Variants in ARHGAP28 observed in about 807,000 individuals in gnomAD.
The protein encoded by ARHGAP28 is Rho GTPase activating protein 28.
Under a neutral mutation model 90.7 loss-of-function variants are expected in ARHGAP28, and 56 were observed. That is an observed-to-expected ratio of 0.62 (90% confidence interval 0.50 to 0.77). ARHGAP28 has a LOEUF of 0.77. ARHGAP28 is among the 30% of genes least tolerant of loss of function. The probability of loss-of-function intolerance (pLI) is 0.00; values close to 1 mark genes in which losing one functional copy is unlikely to be tolerated. For synonymous variants in ARHGAP28, 308 were observed against 323.3 expected (o/e 0.95, Z 0.51); for missense variants, 869 against 900.9 (o/e 0.96, Z 0.45).
At chr18:6,891,906 G>C (rs985660594) in intron 14 of ARHGAP28, among the ~76,000 whole-genome samples, 1 of 151,904 alleles carries the variant, frequency 6.6e-6, no homozygotes, top group Non-Finnish European at 1.5e-5. Flanking sequence ...GTTGTATCTT[G>C]AAGGATGGAT....
chr18:6,816,489 G>A lies in ARHGAP28; in HGVS notation c.123-8273G>A, dbSNP rs143522214. On this transcript the variant is annotated intron_variant, in intron 1 of 17. Transcript: ENST00000383472. ...TCCTGCTACAGGCTCACTGCAATCA[G>A]TATCCACGGGAATTTCTCTAGATGT... 1.2e-3 allele frequency among the ~76,000 whole-genome samples: 184 copies of A among 152,244 alleles called. 1 individual carries two copies. The highest frequency in any genetic ancestry group is 3.9e-3 in the African/African-American group (164 of 41,548).
In ARHGAP28 at chr18:6,912,129, T is replaced by A; in HGVS notation, c.2165T>A (p.Val722Glu). The change falls in exon 18 of 18, where the codon GTG becomes GAG. Residue 722 changes from valine (V) to glutamate (E), a missense_variant. By Grantham distance (121) the Val-to-Glu change is moderately radical. Coordinates refer to ENST00000383472, the MANE Select transcript of ARHGAP28 (RefSeq NM_001366230.1). ...CGTATAAATCCTCAAGCAGAATGGGTGATTAAACCCCAACAAAGTTCTTAA... is the reference window on the plus strand; with the variant it reads ...CGTATAAATCCTCAAGCAGAATGGGAGATTAAACCCCAACAAAGTTCTTAA... Reference protein sequence around the residue: ...VYRINPQAEWVIKPQQSS With the variant: ...VYRINPQAEWEIKPQQSS 1 of 1,606,606 alleles carries A rather than the reference T, an allele frequency of 6.2e-7. No homozygotes were observed. Among genetic ancestry groups the A allele is most frequent in the African/African-American group, 1.3e-5 (1 of 74,846 alleles).
chr18:6,904,534 T>C (rs1322588943), intron 16 of ARHGAP28, among the ~76,000 whole-genome samples: 1 of 152,080 alleles, frequency 6.6e-6, no homozygotes, highest in African/African-American at 2.4e-5. Context: ...TTCCTACCTC[T>C]AAAAACTACA....
chr18:6,907,396 A>AG (rs1323196251), intron 16 of ARHGAP28, among the ~76,000 whole-genome samples: 1 of 147,040 alleles, frequency 6.8e-6, no homozygotes, highest in Non-Finnish European at 1.5e-5. Context: ...AAAAACTGGA[A>AG]AAAAAAAAAA....
intron 1 of ARHGAP28, among the ~76,000 whole-genome samples, chr18:6,754,305 G>A (rs2056092369): frequency 6.6e-6 from 1 of 152,142 alleles, no homozygotes; most frequent in Non-Finnish European, 1.5e-5. Flanking sequence ...TTATCATCAT[G>A]AGATTAAACT....
chr18:6,862,592 A>G (rs1318318764), intron 5 of ARHGAP28, among the ~76,000 whole-genome samples: 1 of 152,154 alleles, frequency 6.6e-6, no homozygotes. Context: ...TGTTAGGGTA[A>G]GTTCCCCTTC....
intron 3 of ARHGAP28, among the ~76,000 whole-genome samples, chr18:6,843,994 C>A (rs2143150126): frequency 6.6e-6 from 1 of 152,258 alleles, no homozygotes; most frequent in Admixed American, 6.5e-5. Flanking sequence ...TCAGCGTGAG[C>A]AGAATTCCAG....
At chr18:6,879,556 G>A (rs1237066586) in intron 10 of ARHGAP28, among the ~76,000 whole-genome samples, 1 of 152,194 alleles carries the variant, frequency 6.6e-6, no homozygotes, top group Non-Finnish European at 1.5e-5. Flanking sequence ...CCACAGAAAT[G>A]TCAGCTCTGT....
At chr18:6,910,441 A>C (rs1449920659) in intron 17 of ARHGAP28, among the ~76,000 whole-genome samples, 1 of 152,064 alleles carries the variant, frequency 6.6e-6, no homozygotes, top group Non-Finnish European at 1.5e-5. Context: ...GGTCCCTTTA[A>C]ACACTAAACC....
intron 4 of ARHGAP28, among the ~76,000 whole-genome samples, chr18:6,858,869 T>TAAA (rs11443979): frequency 1.4e-5 from 2 of 144,734 alleles, no homozygotes; most frequent in East Asian, 4.0e-4. Flanking sequence ...TTTGTTTCTT[T>TAAA]AAAAAAAAAA....
chr18:6,833,327 G>C (rs868081101), intron 2 of ARHGAP28, among the ~76,000 whole-genome samples: 4 of 151,796 alleles, frequency 2.6e-5, no homozygotes, highest in Non-Finnish European at 4.4e-5. Flanking sequence ...CTATCATCCA[G>C]TCCTCAGACT....
chr18:6,769,450 T>G (rs1168945355), intron 1 of ARHGAP28, among the ~76,000 whole-genome samples: 1 of 152,246 alleles, frequency 6.6e-6, no homozygotes, highest in African/African-American at 2.4e-5. Flanking sequence ...TTTAATCTTT[T>G]TCTTTTGCAT....
At chr18:6,905,710 C>G (rs1194368268) in intron 16 of ARHGAP28, among the ~76,000 whole-genome samples, 1 of 152,008 alleles carries the variant, frequency 6.6e-6, no homozygotes, top group African/African-American at 2.4e-5. Flanking sequence ...TCACAGGATA[C>G]AAGATTAACA....
Position 6,736,931 on chromosome 18 carries a change from CA to C in ARHGAP28, c.122+6989del, listed in dbSNP as rs538870941. On this transcript the variant is annotated intron_variant, in intron 1 of 17. Transcript: ENST00000383472. The stretch of plus-strand genomic sequence containing the variant: ...CAGTGTTCCGGAGATGTTATCTGAA[CA>C]TCTGCAAATGTATTTTAACTAAAGT... Among the ~76,000 whole-genome samples, 18 of 152,256 alleles carry C rather than the reference CA, an allele frequency of 1.2e-4. No individual in the cohort carries two copies. The East Asian group carries it at 1.7e-3, about 15-fold the overall frequency.
chr18:6,905,299 C>A lies in ARHGAP28; in HGVS notation c.2031-3661C>A, dbSNP rs564810674. On this transcript the variant is annotated intron_variant, in intron 16 of 17. Transcript: ENST00000383472. ...CAATCAATGTAATTAGCCATATCAA[C>A]AGGAGAAACCATAGAGTCATTTCAA... 1.4e-4 allele frequency among the ~76,000 whole-genome samples: 22 copies of A among 151,978 alleles called. No individual in the cohort carries two copies. In the South Asian group the frequency reaches 4.4e-3, roughly 30 times the overall value.
intron 1 of ARHGAP28, among the ~76,000 whole-genome samples, chr18:6,793,184 A>G (rs968587956): frequency 6.6e-6 from 1 of 152,242 alleles, no homozygotes; most frequent in Non-Finnish European, 1.5e-5. Context: ...ACGAGACACA[A>G]TAAATATGGA....
At position 6,913,289 on chromosome 18, in the gene ARHGAP28, C is replaced by T. The variant is rs547476710; in HGVS notation, c.*1135C>T. 4 of 152,276 alleles carry T rather than the reference C, an allele frequency of 2.6e-5. No individual in the cohort carries two copies. The East Asian group carries it at 7.7e-4, about 29-fold the overall frequency. The allele number at this position is 152,276 out of a possible 1,614,324, so 9.4% of individuals were successfully genotyped here. On this transcript the variant is annotated 3_prime_UTR_variant, in exon 18 of 18. Coordinates refer to ENST00000383472, the MANE Select transcript of ARHGAP28 (RefSeq NM_001366230.1). ...CCTGTGATTGCCCAGAACACATAGT[C>T]CCCACGTTTCTAATTTGGAGCAAAT...
intron 1 of ARHGAP28, among the ~76,000 whole-genome samples, chr18:6,822,737 A>C (rs2056634693): frequency 6.6e-6 from 1 of 152,250 alleles, no homozygotes; most frequent in African/African-American, 2.4e-5. Flanking sequence ...AAATAGAACT[A>C]GAGTCAGATA....
rs1267535089 is a variant in ARHGAP28 at position 6,914,410 on chromosome 18, G to A, written c.*2256G>A. On this transcript the variant is annotated 3_prime_UTR_variant, in exon 18 of 18. Transcript: ENST00000383472. Reference sequence around the variant, plus strand: ...AGGCCATGTCAATACTAGTATCATTGGATATAACTTTGATTCTTAATCAGA... The same window carrying A: ...AGGCCATGTCAATACTAGTATCATTAGATATAACTTTGATTCTTAATCAGA... 2 of 152,062 alleles carry A rather than the reference G, an allele frequency of 1.3e-5. No homozygotes were observed. The allele number at this position is 152,062 out of a possible 1,614,324, so 9.4% of individuals were successfully genotyped here.
Sources: gnomAD v4.1 joint callset for allele counts (sites outside exome capture counted in the v4.1 genomes callset) on GRCh38, gnomAD v4.1.1 for gene constraint, MANE v1.5 for transcripts, NCBI Gene and HGNC (gene_info 2026-07-23, HGNC 2026-07-21) for gene names.